GFOD1: variants seen among roughly 807,000 people sequenced by gnomAD.
The protein encoded by GFOD1 is Gfo/Idh/MocA-like oxidoreductase domain containing 1, also known as glucose-fructose oxidoreductase domain-containing protein 1.
Under a neutral mutation model 25.4 loss-of-function variants are expected in GFOD1, and 9 were observed. The ratio of observed to expected loss-of-function variants is 0.35; its 90% CI spans 0.21 to 0.62. The LOEUF (loss-of-function observed/expected upper bound fraction) is 0.62, where lower values mean the gene tolerates loss of function less well. Among genes scored for constraint, GFOD1 ranks in the 20% least tolerant of loss-of-function variants. GFOD1 has a pLI of 0.72. For synonymous variants in GFOD1, 253 were observed against 245.6 expected (o/e 1.03, Z -0.28); for missense variants, 403 against 556.9 (o/e 0.72, Z 2.78).
chr6:13,478,283 G>A (rs1351938757), intron 1 of GFOD1, among the ~76,000 whole-genome samples: 1 of 152,006 alleles, frequency 6.6e-6, no homozygotes, highest in African/African-American at 2.4e-5. Context: ...GGGATTACAG[G>A]TGCACAACAC....
In GFOD1 at chr6:13,415,607, G is replaced by A. The variant is rs140821594; in HGVS notation, c.254-49945C>T. ...ATGTCCTGAGTCAGGGGGATGTTTGGGTTAAGTTCCACAGGGCATCCAGTG... is the reference window on the plus strand; with the variant it reads ...ATGTCCTGAGTCAGGGGGATGTTTGAGTTAAGTTCCACAGGGCATCCAGTG... On this transcript the variant is annotated intron_variant, in intron 1 of 1. Transcript: ENST00000379287. Among the ~76,000 whole-genome samples, 159 of 152,276 alleles carry A rather than the reference G, an allele frequency of 1.0e-3. 1 individual carries two copies. The highest frequency in any genetic ancestry group is 3.5e-3 in the African/African-American group (147 of 41,552).
At chr6:13,470,088 T>G in intron 1 of GFOD1, 3 of 1,404,580 alleles carry the variant, frequency 2.1e-6, no homozygotes, top group Non-Finnish European at 2.9e-6. Flanking sequence ...ATACAGATGT[T>G]GAATTCGTTT....
intron 1 of GFOD1, among the ~76,000 whole-genome samples, chr6:13,371,699 G>A (rs949535125): frequency 5.3e-5 from 8 of 152,210 alleles, no homozygotes; most frequent in African/African-American, 1.9e-4. Flanking sequence ...GGAGAGGTCT[G>A]GCAAAGTCCC....
At chr6:13,456,430 T>C (rs9367484) in intron 1 of GFOD1, among the ~76,000 whole-genome samples, 24,099 of 152,070 alleles carry the variant, frequency 0.16, 2,099 homozygotes, top group South Asian at 0.26. Context: ...CCGCCTCGAC[T>C]TCCCAAAGTG....
chr6:13,445,391 C>T (rs993663450), intron 1 of GFOD1, among the ~76,000 whole-genome samples: 9 of 152,226 alleles, frequency 5.9e-5, no homozygotes, highest in African/African-American at 1.9e-4. Flanking sequence ...ATGTTCTGTA[C>T]TTGTACTGGG....
At chr6:13,416,147 C>A (rs1176003886) in intron 1 of GFOD1, among the ~76,000 whole-genome samples, 1 of 152,214 alleles carries the variant, frequency 6.6e-6, no homozygotes, top group East Asian at 1.9e-4. Context: ...CTCTCTCTCT[C>A]CTGCCGCCTT....
At chr6:13,439,101 T>C (rs1225717450) in intron 1 of GFOD1, among the ~76,000 whole-genome samples, 2 of 152,174 alleles carry the variant, frequency 1.3e-5, no homozygotes, top group African/African-American at 4.8e-5. Flanking sequence ...ATGTACTAGA[T>C]AGAAGGTTAG....
At chr6:13,471,448 G>A (rs1210761233) in intron 1 of GFOD1, among the ~76,000 whole-genome samples, 1 of 152,172 alleles carries the variant, frequency 6.6e-6, no homozygotes. Context: ...CTAAAGTCCT[G>A]TAATAAACCT....
Position 13,397,800 on chromosome 6 carries a change from T to A in GFOD1, c.254-32138A>T, listed in dbSNP as rs146533244. On this transcript the variant is annotated intron_variant, in intron 1 of 1. Transcript: ENST00000379287. ...TCCCGGCACATTCTATTACTAACAA[T>A]TTGAATGGGGGCAGGGGCAAACCTT... Among the ~76,000 whole-genome samples, 239 of 152,326 alleles carry A rather than the reference T, an allele frequency of 1.6e-3. 1 individual carries two copies. Among genetic ancestry groups the A allele is most frequent in the African/African-American group, 5.4e-3 (224 of 41,568 alleles).
chr6:13,447,723 A>AGAGC lies in GFOD1; in HGVS notation c.253+38911_253+38914dup, dbSNP rs1758026160. 3.2e-5 allele frequency among the ~76,000 whole-genome samples: 4 copies of AGAGC among 126,434 alleles called. No homozygotes were observed. The South Asian group carries it at 1.2e-3, about 38-fold the overall frequency. The allele number at this position is 126,434 out of a possible 152,430, so 82.9% of individuals were successfully genotyped here. Reference sequence around the variant, plus strand: ...GCAATTGCACTCCAGCCTGGGTGACAGAGCGAGACTCCTTCTCAAAAAAAA... The same window carrying AGAGC: ...GCAATTGCACTCCAGCCTGGGTGACAGAGCGAGCGAGACTCCTTCTCAAAAAAAA... On this transcript the variant is annotated intron_variant, in intron 1 of 1. Transcript: ENST00000379287.
chr6:13,416,476 T>G (rs1455318081), intron 1 of GFOD1, among the ~76,000 whole-genome samples: 1 of 152,156 alleles, frequency 6.6e-6, no homozygotes, highest in Non-Finnish European at 1.5e-5. Flanking sequence ...GAGGTGACAT[T>G]TAAGCTAAAA....
chr6:13,366,031 C>T (rs917849758), intron 1 of GFOD1, among the ~76,000 whole-genome samples: 4 of 150,902 alleles, frequency 2.7e-5, no homozygotes, highest in South Asian at 2.1e-4. Context: ...ATGTTCTGGC[C>T]GCTGCAGTGA....
In GFOD1 at chr6:13,444,518, C is replaced by G. The variant is rs1032936471; in HGVS notation, c.253+42120G>C. On this transcript the variant is annotated intron_variant, in intron 1 of 1. Coordinates refer to ENST00000379287, the MANE Select transcript of GFOD1 (RefSeq NM_018988.4). ...CATGCTCCTGTTAAAAAAAAAAGAA[C>G]CTTTCTCTAGAGTTTAAAAAAAATC... Among the ~76,000 whole-genome samples, 6 of 151,478 alleles carry G rather than the reference C, an allele frequency of 4.0e-5. No individual in the cohort carries two copies. In the East Asian group the frequency reaches 9.6e-4, roughly 24 times the overall value.
chr6:13,483,377 G>A (rs1180604778), intron 1 of GFOD1, among the ~76,000 whole-genome samples: 1 of 152,130 alleles, frequency 6.6e-6, no homozygotes, highest in Non-Finnish European at 1.5e-5. Flanking sequence ...GCTCGCTGAA[G>A]CCCTTGGGTT....
In GFOD1 at chr6:13,404,332, T is replaced by C. The variant is rs143574670; in HGVS notation, c.254-38670A>G. Among the ~76,000 whole-genome samples the C allele has an allele frequency of 2.2e-3, 333 of 152,322 alleles. 1 individual carries two copies. The highest frequency in any genetic ancestry group is 7.6e-3 in the African/African-American group (317 of 41,578). On this transcript the variant is annotated intron_variant, in intron 1 of 1. Coordinates refer to ENST00000379287, the MANE Select transcript of GFOD1 (RefSeq NM_018988.4). Reference sequence around the variant, plus strand: ...GCCCCTTCTTAGAACTGAGGGAAACTGCAGCCAGCCAGGAAGACCGAGGAA... The same window carrying C: ...GCCCCTTCTTAGAACTGAGGGAAACCGCAGCCAGCCAGGAAGACCGAGGAA...
intron 1 of GFOD1, among the ~76,000 whole-genome samples, chr6:13,477,122 G>A (rs1348433183): frequency 6.6e-6 from 1 of 151,914 alleles, no homozygotes; most frequent in Non-Finnish European, 1.5e-5. Context: ...GCGTCTTCCA[G>A]GTATTTCCTT....
intron 1 of GFOD1, among the ~76,000 whole-genome samples, chr6:13,423,708 G>A (rs1336999127): frequency 6.6e-6 from 1 of 152,154 alleles, no homozygotes; most frequent in Non-Finnish European, 1.5e-5. Context: ...GATATGGAAG[G>A]CATCCTCTTC....
intron 1 of GFOD1, among the ~76,000 whole-genome samples, chr6:13,397,346 C>T (rs1304939739): frequency 6.6e-6 from 1 of 152,232 alleles, no homozygotes; most frequent in Non-Finnish European, 1.5e-5. Flanking sequence ...ACAAAAGATC[C>T]AAATGTGAAG....
At chr6:13,484,205 T>C (rs2127580324) in intron 1 of GFOD1, among the ~76,000 whole-genome samples, 1 of 152,244 alleles carries the variant, frequency 6.6e-6, no homozygotes, top group East Asian at 1.9e-4. Context: ...TGTGACCAGT[T>C]ATGAGTGTGG....
Sources: allele counts gnomAD v4.1 joint callset (sites outside exome capture counted in the v4.1 genomes callset), GRCh38; gene constraint gnomAD v4.1.1; transcripts MANE v1.5; gene names NCBI Gene and HGNC (gene_info 2026-07-23, HGNC 2026-07-21).